GPR37: variants seen among roughly 807,000 people sequenced by gnomAD.
The protein encoded by GPR37 is prosaposin receptor GPR37.
In GPR37, 20 loss-of-function variants were observed where a neutral mutation model predicts 43.6. That is an observed-to-expected ratio of 0.46 (90% CI 0.32 to 0.67). GPR37 has a LOEUF of 0.67. Ranked by LOEUF, GPR37 falls within the 30% of genes least tolerant of loss-of-function variation. The pLI, the probability that GPR37 is intolerant of heterozygous loss-of-function variation, is 0.03. For missense variants in GPR37, 724 were observed against 797.2 expected, an observed-to-expected ratio of 0.91 and a Z score of 1.11; for synonymous variants, 315 against 322.6, an observed-to-expected ratio of 0.98 and a Z score of 0.25.
In GPR37 at chr7:124,764,567, C is replaced by T. The variant is rs1405090383; in HGVS notation, c.410G>A (p.Gly137Glu). 2 of 1,612,582 alleles carry T rather than the reference C, an allele frequency of 1.2e-6. No homozygotes were observed. Among genetic ancestry groups the T allele is most frequent in the South Asian group, 2.2e-5 (2 of 91,050 alleles). Residue 137 changes from glycine (G) to glutamate (E), a missense_variant, in exon 1 of 2, where the codon GGG becomes GAG. Gly to Glu is a moderately conservative substitution (Grantham distance 98). Transcript: ENST00000303921. The surrounding 1 kb of genome is among the most constrained non-coding windows in gnomAD (Gnocchi z 5.4). ...GQEPSETLGR[G>E]NPTALQLFLQ... is the part of the protein sequence containing the mutation. Reference sequence around the variant, plus strand: ...GAAGAGCTGGAGGGCCGTGGGGTTCCCTCTCCCCAAAGTTTCAGAAGGCTC... The same window carrying T: ...GAAGAGCTGGAGGGCCGTGGGGTTCTCTCTCCCCAAAGTTTCAGAAGGCTC...
In GPR37 at chr7:124,747,196, G is replaced by C. The variant is rs1322598602; in HGVS notation, c.1171C>G (p.Leu391Val). ...AKLAVIWVGA[L>V]LLALPEVVLR... is the part of the protein sequence containing the mutation. ...ACAACTTCTGGAAGTGCTAACAATA[G>C]AGCTCCCACCCATATAACAGCAAGT... The change falls in exon 2 of 2, where the codon CTA (leucine) becomes GTA (valine). Residue 391 changes from leucine to valine, a missense_variant. Around this residue, in one of 2 missense-constraint regions of GPR37, gnomAD observed 342 missense variants for 441.8 expected, o/e 0.77. Coordinates refer to ENST00000303921, the MANE Select transcript of GPR37 (RefSeq NM_005302.5). The C allele has an allele frequency of 4.3e-6, 7 of 1,613,816 alleles. No homozygotes were observed. Among genetic ancestry groups the C allele is most frequent in the Non-Finnish European group, 2.5e-6 (3 of 1,179,900 alleles).
intron 1 of GPR37, among the ~76,000 whole-genome samples, chr7:124,754,110 T>G (rs1787455436): frequency 1.3e-5 from 2 of 152,054 alleles, no homozygotes; most frequent in Admixed American, 1.3e-4. Flanking sequence ...GGCAAAATAC[T>G]TAATAAAAGG....
At chr7:124,756,363 TACAG>T (rs1226067302) in intron 1 of GPR37, among the ~76,000 whole-genome samples, 1 of 152,170 alleles carries the variant, frequency 6.6e-6, no homozygotes, top group Non-Finnish European at 1.5e-5. Context: ...TATTCAAGTG[TACAG>T]ACAGATAACA....
intron 1 of GPR37, among the ~76,000 whole-genome samples, chr7:124,752,126 C>G (rs1212865249): frequency 6.6e-6 from 1 of 152,072 alleles, no homozygotes; most frequent in Non-Finnish European, 1.5e-5. Flanking sequence ...CCTTCAGCTC[C>G]CACCCAGCCC....
Position 124,746,715 on chromosome 7 carries a change from C to T in GPR37, c.1652G>A (p.Cys551Tyr), listed in dbSNP as rs980429686. The T allele has an allele frequency of 6.2e-7, 1 of 1,613,786 alleles. No individual in the cohort carries two copies. Among genetic ancestry groups the T allele is most frequent in the Non-Finnish European group, 8.5e-7 (1 of 1,179,924 alleles). Residue 551 changes from cysteine (C) to tyrosine (Y), a missense_variant, in exon 2 of 2, where the codon TGT becomes TAT. Cys to Tyr is a radical substitution (Grantham distance 194, BLOSUM62 -2). Around this residue, in one of 2 missense-constraint regions of GPR37, gnomAD observed 342 missense variants for 441.8 expected, o/e 0.77. Coordinates refer to ENST00000303921, the MANE Select transcript of GPR37 (RefSeq NM_005302.5). ...GGCCCGACTGAAGGGTTTGCAGAGA[C>T]AGAAAAGGAGGACTGGGGTGACACA... ...KSCVTPVLLF[C>Y]LCKPFSRAFM...
At chr7:124,762,482 TAAAA>T (rs11428732) in intron 1 of GPR37, among the ~76,000 whole-genome samples, 3 of 142,140 alleles carry the variant, frequency 2.1e-5, no homozygotes, top group East Asian at 2.0e-4. Context: ...TTTCTTCTGA[TAAAA>T]AAAAAAAAAG....
At position 124,747,074 on chromosome 7, in the gene GPR37, G is replaced by T. The variant is rs1793680663; in HGVS notation, c.1293C>A (p.Ile431=). 1 of 1,614,000 alleles carries T rather than the reference G, an allele frequency of 6.2e-7. No homozygotes were observed. The highest frequency in any genetic ancestry group is 8.5e-7 in the Non-Finnish European group (1 of 1,179,912). ...TGTCGTAGGTGAGGGCTAGAACATA[G>T]ATGGTGTCTGGTAAATCAGGAGAGA... The part of the protein sequence containing the change: ...IKISPDLPDT[I]YVLALTYDSA... The change falls in exon 2 of 2, where the codon ATC becomes ATA. Residue 431 remains isoleucine, a synonymous_variant. Coordinates refer to ENST00000303921, the MANE Select transcript of GPR37 (RefSeq NM_005302.5).
At position 124,746,411 on chromosome 7, in the gene GPR37, C is replaced by A; in HGVS notation, c.*114G>T. The A allele has an allele frequency of 2.6e-6, 2 of 774,554 alleles. No individual in the cohort carries two copies. The highest frequency in any genetic ancestry group is 2.1e-5 in the South Asian group (1 of 47,030). 48.0% of individuals were successfully genotyped at this position (774,554 alleles called of 1,614,324 possible). A position where few individuals can be genotyped will look rare whatever the true frequency, so the allele number is the denominator to read the frequency against. On this transcript the variant is annotated 3_prime_UTR_variant, in exon 2 of 2. Transcript: ENST00000303921. The stretch of plus-strand genomic sequence containing the variant: ...ATCAGTTCTACAGTAGTTAATATTT[C>A]TTTCTTTATTGTTTCTTTTTTGCAT...
At chr7:124,754,073 AT>A (rs1230409911) in intron 1 of GPR37, among the ~76,000 whole-genome samples, 11 of 152,280 alleles carry the variant, frequency 7.2e-5, no homozygotes, top group Admixed American at 3.9e-4. Context: ...CTTAAAAAAA[AT>A]AATACAAACA....
Position 124,747,181 on chromosome 7 carries a change from G to C in GPR37, c.1186C>G (p.Pro396Ala). 6.2e-7 allele frequency: 1 copy of C among 1,613,948 alleles called. No individual in the cohort carries two copies. The highest frequency in any genetic ancestry group is 8.5e-7 in the Non-Finnish European group (1 of 1,179,912). Residue 396 changes from proline (P) to alanine (A), a missense_variant, in exon 2 of 2, where the codon CCA (proline) becomes GCA (alanine). Physicochemically the swap from Pro to Ala is conservative, Grantham distance 27 (BLOSUM62 -1). Around this residue, in one of 2 missense-constraint regions of GPR37, gnomAD observed 342 missense variants for 441.8 expected, o/e 0.77. Transcript: ENST00000303921. Reference protein sequence around the residue: ...IWVGALLLALPEVVLRQLSKE... With the variant: ...IWVGALLLALAEVVLRQLSKE... ...CTCAGCTGGCGGAGAACAACTTCTGGAAGTGCTAACAATAGAGCTCCCACC... is the reference window on the plus strand; with the variant it reads ...CTCAGCTGGCGGAGAACAACTTCTGCAAGTGCTAACAATAGAGCTCCCACC...
At chr7:124,751,985 G>C (rs944705414) in intron 1 of GPR37, among the ~76,000 whole-genome samples, 8 of 151,990 alleles carry the variant, frequency 5.3e-5, no homozygotes, top group African/African-American at 1.9e-4. Flanking sequence ...GGGAAAATAA[G>C]ATATTGAGCA....
At chr7:124,751,435 T>C (rs1467083489) in intron 1 of GPR37, among the ~76,000 whole-genome samples, 1 of 152,112 alleles carries the variant, frequency 6.6e-6, no homozygotes. Context: ...ATAGGAGGCT[T>C]TAAATATGTG....
intron 1 of GPR37, among the ~76,000 whole-genome samples, chr7:124,761,695 C>T (rs1048521551): frequency 1.2e-4 from 19 of 152,276 alleles, no homozygotes; most frequent in African/African-American, 4.6e-4. Context: ...AACATCAGTG[C>T]CTCCTGGAGA....
At chr7:124,747,586 T>C (rs1033091959) in intron 1 of GPR37, among the ~76,000 whole-genome samples, 7 of 152,100 alleles carry the variant, frequency 4.6e-5, no homozygotes, top group African/African-American at 1.4e-4. Flanking sequence ...GTGCAGAACA[T>C]TTAGGACTGG....
rs1221038050 is a variant in GPR37 at position 124,743,977 on chromosome 7, G to T, written c.*2548C>A. On this transcript the variant is annotated 3_prime_UTR_variant, in exon 2 of 2. Transcript: ENST00000303921. ...TTTTAAAAGTATATTATAGAAATTG[G>T]TTTTTGTGAAAAACACAAGACGACT... 1.3e-5 allele frequency: 2 copies of T among 151,224 alleles called. No individual in the cohort carries two copies. Among genetic ancestry groups the T allele is most frequent in the East Asian group, 2.0e-4 (1 of 5,128 alleles). 9.4% of individuals were successfully genotyped at this position (151,224 alleles called of 1,614,324 possible).
At chr7:124,759,090 A>T (rs1426310982) in intron 1 of GPR37, among the ~76,000 whole-genome samples, 2 of 147,708 alleles carry the variant, frequency 1.4e-5, no homozygotes, top group African/African-American at 5.0e-5. Flanking sequence ...TTTTTGAGAC[A>T]GGGTCCCACT....
Position 124,745,666 on chromosome 7 carries a change from C to T in GPR37, c.*859G>A, listed in dbSNP as rs1033814330. Among the ~76,000 whole-genome samples, 2 of 152,272 alleles carry T rather than the reference C, an allele frequency of 1.3e-5. No individual in the cohort carries two copies. The highest frequency in any genetic ancestry group is 6.5e-5 in the Admixed American group (1 of 15,284). ...GTGTTCAGAGGAAATCAGATGACAA[C>T]TGCATTTTAAAATTCTTGATTCTGC... On this transcript the variant is annotated 3_prime_UTR_variant, in exon 2 of 2. Coordinates refer to ENST00000303921, the MANE Select transcript of GPR37 (RefSeq NM_005302.5).
Position 124,764,012 on chromosome 7 carries a change from T to G in GPR37, c.965A>C (p.Glu322Ala). ...CTCCAGCAGCCACTTCTTGGTCAGC[T>G]CGTGGAAGATGACCAGCGGAAGGCA... ...FFCLPLVIFH[E>A]LTKKWLLEDF... Residue 322 changes from glutamate (E) to alanine (A), a missense_variant, in exon 1 of 2, where the codon GAG becomes GCG. This residue lies in a region of GPR37 where 342 missense variants were observed against 441.8 expected (regional missense o/e 0.77). Coordinates refer to ENST00000303921, the MANE Select transcript of GPR37 (RefSeq NM_005302.5). The surrounding 1 kb of genome is among the most constrained non-coding windows in gnomAD (Gnocchi z 5.4). 6.2e-7 allele frequency: 1 copy of G among 1,614,076 alleles called. No individual in the cohort carries two copies. The highest frequency in any genetic ancestry group is 8.5e-7 in the Non-Finnish European group (1 of 1,180,010).
chr7:124,753,789 G>A (rs1793758425), intron 1 of GPR37, among the ~76,000 whole-genome samples: 1 of 152,042 alleles, frequency 6.6e-6, no homozygotes, highest in South Asian at 2.1e-4. Context: ...TGGTAGTTAT[G>A]AGAACCATAA....
Sources: gnomAD v4.1 joint callset for allele counts (sites outside exome capture counted in the v4.1 genomes callset) on GRCh38, gnomAD v4.1.1 for gene constraint, gnomAD v4.1.1 regional missense constraint, Gnocchi (gnomAD v3.1) non-coding constraint, MANE v1.5 for transcripts, NCBI Gene and HGNC (gene_info 2026-07-23, HGNC 2026-07-21) for gene names.